Variants in PHC3 observed in about 807,000 individuals in gnomAD.
The protein encoded by PHC3 is polyhomeotic homolog 3.
PHC3 carries 13 observed loss-of-function variants against 107.4 expected under a neutral mutation model. The observed-to-expected ratio is 0.12, with a 90% CI of 0.08 to 0.19. PHC3 has a LOEUF of 0.19. Among genes scored for constraint, PHC3 ranks in the 10% least tolerant of loss-of-function variants. PHC3 has a pLI of 1.00. For missense variants in PHC3, 992 were observed against 1,210.9 expected, an observed-to-expected ratio of 0.82 and a Z score of 2.68; for synonymous variants, 456 against 427.4, an observed-to-expected ratio of 1.07 and a Z score of -0.83.
chr3:170,171,597 C>A (rs560830088), intron 3 of PHC3, 147 bp from the exon 4 acceptor site: 1 of 578,436 alleles, frequency 1.7e-6, no homozygotes. Context: ...GCTTAAGCTT[C>A]GGTTAAACAG....
At chr3:170,152,337 ATTTTTTT>A (rs1220193435) in intron 4 of PHC3, among the ~76,000 whole-genome samples, 39 of 122,158 alleles carry the variant, frequency 3.2e-4, no homozygotes, top group African/African-American at 5.0e-4. Flanking sequence ...CGCCTGGCTA[ATTTTTTT>A]TTTTTTTTTT....
chr3:170,148,804 T>A, intron 5 of PHC3: 1 of 227,304 alleles, frequency 4.4e-6, no homozygotes, highest in Non-Finnish European at 8.6e-6. Context: ...GAAAAAAAGG[T>A]TTTCAATGAA....
chr3:170,149,220 G>T lies in PHC3; in HGVS notation c.439C>A (p.Pro147Thr). The change falls in exon 5 of 15, where the codon CCT (proline) becomes ACT (threonine). Residue 147 changes from proline to threonine, a missense_variant. By Grantham distance (38) the Pro-to-Thr change is conservative (BLOSUM62 -1). This residue lies in a region of PHC3 where 161 missense variants were observed against 183.7 expected (regional missense o/e 0.88). Coordinates refer to ENST00000495893, the MANE Select transcript of PHC3 (RefSeq NM_024947.4). ...TGGGAACGGCTTATTAACTGTGCAGGTGTAGGAGAAGTGGAGAGGTTGATC... is the reference window on the plus strand; with the variant it reads ...TGGGAACGGCTTATTAACTGTGCAGTTGTAGGAGAAGTGGAGAGGTTGATC... ...TSINLSTSPT[P>T]AQLISRSQAS... The T allele has an allele frequency of 1.2e-6, 2 of 1,612,294 alleles. No homozygotes were observed. The highest frequency in any genetic ancestry group is 2.2e-5 in the South Asian group (2 of 90,834).
rs1215863836 is a variant in PHC3, at chr3:170,124,170, C to T, written c.1789-1426G>A. The stretch of plus-strand genomic sequence containing the variant: ...GCCAATACCTTATTATTAATGTTTC[C>T]ATTTCAAAGAACACTTCTAGAGGTT... On this transcript the variant is annotated intron_variant, in intron 8 of 14. Transcript: ENST00000495893. Among the ~76,000 whole-genome samples, 3 of 151,874 alleles carry T rather than the reference C, an allele frequency of 2.0e-5. No homozygotes were observed. The East Asian group carries it at 5.9e-4, about 30-fold the overall frequency.
chr3:170,137,953 G>A (rs1723389189), intron 6 of PHC3, among the ~76,000 whole-genome samples: 1 of 152,176 alleles, frequency 6.6e-6, no homozygotes, highest in Admixed American at 6.5e-5. Context: ...TGTAATCCCA[G>A]CATTTTGGGA....
chr3:170,163,639 G>A (rs1728264262), intron 4 of PHC3, among the ~76,000 whole-genome samples: 1 of 152,086 alleles, frequency 6.6e-6, no homozygotes, highest in Admixed American at 6.6e-5. Flanking sequence ...GAAGCAGGCT[G>A]ATCACCTGAG....
chr3:170,106,825 G>T lies in PHC3; in HGVS notation c.2468+7C>A. Reference sequence around the variant, plus strand: ...GTCCTTTGGGAAATTCAAGAGCACAGAAATACCTTTTGGCACATGACATAG... The same window carrying T: ...GTCCTTTGGGAAATTCAAGAGCACATAAATACCTTTTGGCACATGACATAG... On this transcript the variant is annotated splice_region_variant and intron_variant, in intron 12 of 14. Coordinates refer to ENST00000495893, the MANE Select transcript of PHC3 (RefSeq NM_024947.4). 6.3e-7 allele frequency: 1 copy of T among 1,598,238 alleles called. No homozygotes were observed. Among genetic ancestry groups the T allele is most frequent in the Non-Finnish European group, 8.5e-7 (1 of 1,173,414 alleles).
In PHC3 at chr3:170,097,939, T is replaced by C. The variant is rs921553837; in HGVS notation, c.2834-555A>G. ...ATTTTTATTGTTCACTCGGGACATA[T>C]CAAATTTCTCAAGACTGTATTACCA... On this transcript the variant is annotated intron_variant, in intron 14 of 14. Transcript: ENST00000495893. This position sits in a 1 kb window ranked among gnomAD's most constrained non-coding sequence, Gnocchi z 4.1. Among the ~76,000 whole-genome samples, 2 of 152,188 alleles carry C rather than the reference T, an allele frequency of 1.3e-5. No homozygotes were observed. The highest frequency in any genetic ancestry group is 6.5e-5 in the Admixed American group (1 of 15,268).
intron 4 of PHC3, among the ~76,000 whole-genome samples, chr3:170,158,764 A>G (rs1361048266): frequency 6.6e-6 from 1 of 151,750 alleles, no homozygotes; most frequent in African/African-American, 2.4e-5. Flanking sequence ...TTGACACTAC[A>G]GAAAATACAA....
At chr3:170,160,176 G>C (rs1483050858) in intron 4 of PHC3, among the ~76,000 whole-genome samples, 1 of 152,128 alleles carries the variant, frequency 6.6e-6, no homozygotes, top group African/African-American at 2.4e-5. Flanking sequence ...GACTAACATA[G>C]AATCCCACAT....
intron 8 of PHC3, among the ~76,000 whole-genome samples, chr3:170,128,094 T>G (rs1222280283): frequency 6.6e-6 from 1 of 152,188 alleles, no homozygotes; most frequent in Admixed American, 6.5e-5. Context: ...TTCTATAAGA[T>G]GGCCTACAGT....
At chr3:170,164,683 T>G (rs1392540190) in intron 4 of PHC3, among the ~76,000 whole-genome samples, 2 of 152,164 alleles carry the variant, frequency 1.3e-5, no homozygotes, top group Admixed American at 6.5e-5. Context: ...TAATGAATTC[T>G]CTGGATTTTC....
intron 9 of PHC3, among the ~76,000 whole-genome samples, 166 bp from the exon 10 acceptor site, chr3:170,117,642 G>A (rs1719295282): frequency 3.3e-5 from 5 of 152,122 alleles, no homozygotes; most frequent in Non-Finnish European, 1.5e-5. Flanking sequence ...ATCTTCTAAG[G>A]TAGAAGCGAC....
intron 6 of PHC3, among the ~76,000 whole-genome samples, chr3:170,140,258 C>A (rs551934777): frequency 6.7e-6 from 1 of 150,152 alleles, no homozygotes; most frequent in South Asian, 2.2e-4. Context: ...GGTCAGATTT[C>A]TTTTTCTTTT....
At chr3:170,127,501 TA>T (rs1399890818) in intron 8 of PHC3, among the ~76,000 whole-genome samples, 1 of 122,296 alleles carries the variant, frequency 8.2e-6, no homozygotes, top group Non-Finnish European at 1.8e-5. Context: ...ACAGAAGGTA[TA>T]ATTCAATCTC....
chr3:170,107,760 C>T (rs146028329), intron 11 of PHC3, among the ~76,000 whole-genome samples: 4 of 152,220 alleles, frequency 2.6e-5, no homozygotes, highest in Non-Finnish European at 4.4e-5. Flanking sequence ...GTGCTCCCTA[C>T]TAAGTTAGAA....
chr3:170,152,777 C>T (rs1726219030), intron 4 of PHC3, among the ~76,000 whole-genome samples: 1 of 151,938 alleles, frequency 6.6e-6, no homozygotes, highest in Non-Finnish European at 1.5e-5. Context: ...CCTTCCACCT[C>T]AGCCTCCTGA....
intron 7 of PHC3, among the ~76,000 whole-genome samples, chr3:170,135,108 A>AC (rs1560074862): frequency 6.6e-6 from 1 of 152,214 alleles, no homozygotes; most frequent in Non-Finnish European, 1.5e-5. Flanking sequence ...AAAGATGCTT[A>AC]CCCGATGAGG....
chr3:170,180,725 C>T (rs1006530068), intron 1 of PHC3, among the ~76,000 whole-genome samples: 1 of 152,010 alleles, frequency 6.6e-6, no homozygotes, highest in Non-Finnish European at 1.5e-5. Flanking sequence ...TGCAAAAGGC[C>T]AGCTTAAGTT....
Sources: gnomAD v4.1 joint callset for allele counts (sites outside exome capture counted in the v4.1 genomes callset) on GRCh38, gnomAD v4.1.1 for gene constraint, gnomAD v4.1.1 regional missense constraint, Gnocchi (gnomAD v3.1) non-coding constraint, MANE v1.5 for transcripts, NCBI Gene and HGNC (gene_info 2026-07-23, HGNC 2026-07-21) for gene names.